The following DGKI variants were observed in gnomAD, a reference collection of about 807,000 sequenced individuals.
The protein encoded by DGKI is DAG kinase iota.
DGKI carries 55 observed loss-of-function variants against 147.5 expected under a neutral mutation model. The observed-to-expected ratio is 0.37, with a 90% CI of 0.30 to 0.47. The LOEUF is 0.47. Among genes scored for constraint, DGKI ranks in the 20% least tolerant of loss-of-function variants. The probability of loss-of-function intolerance (pLI) is 1.00; values close to 1 mark genes in which losing one functional copy is unlikely to be tolerated. For missense variants in DGKI, 1,007 were observed against 1,323.8 expected (o/e 0.76, Z 3.71); for synonymous variants, 469 against 477.1 (o/e 0.98, Z 0.22).
intron 21 of DGKI, among the ~76,000 whole-genome samples, chr7:137,502,131 T>G (rs1197007870): frequency 6.6e-6 from 1 of 152,180 alleles, no homozygotes; most frequent in African/African-American, 2.4e-5. Flanking sequence ...CCTTTGTAAA[T>G]TCCCCAGTCT....
rs1819925359 is a variant in DGKI at position 137,599,842 on chromosome 7, G to C, written c.1231C>G (p.Gln411Glu). The C allele has an allele frequency of 1.2e-6, 2 of 1,613,872 alleles. No homozygotes were observed. The highest frequency in any genetic ancestry group is 1.7e-6 in the Non-Finnish European group (2 of 1,179,804). Residue 411 changes from glutamine (Q) to glutamate (E), a missense_variant, in exon 11 of 33, where the codon CAG (glutamine) becomes GAG (glutamate). Physicochemically the swap from Gln to Glu is conservative, Grantham distance 29. Around this residue, in one of 5 missense-constraint regions of DGKI, gnomAD observed 224 missense variants for 382.7 expected, o/e 0.59. Coordinates refer to ENST00000614521, the MANE Select transcript of DGKI (RefSeq NM_001321708.2). ...ACTTACGCATCTTTTGGCCCTTCCT[G>C]AGAAAGATCAAAGACTTGCCGTGGA... The part of the protein sequence containing the change: ...LNPRQVFDLS[Q>E]EGPKDALELY...
chr7:137,806,728 C>T (rs1045744794), intron 1 of DGKI, among the ~76,000 whole-genome samples: 22 of 152,144 alleles, frequency 1.4e-4, no homozygotes, highest in African/African-American at 4.8e-4. Context: ...CCACCGCACC[C>T]GGCCTGAACC....
intron 26 of DGKI, 124 bp downstream of exon 26, chr7:137,465,784 C>T: frequency 7.6e-7 from 1 of 1,323,354 alleles, no homozygotes; most frequent in Non-Finnish European, 1.0e-6. Flanking sequence ...TCTAAGGAAA[C>T]ACAACAAGAA....
intron 20 of DGKI, among the ~76,000 whole-genome samples, chr7:137,535,081 G>A (rs997612943): frequency 1.3e-5 from 2 of 152,178 alleles, no homozygotes; most frequent in South Asian, 4.1e-4. Context: ...GAACTGTAAC[G>A]AAATAAATTT....
chr7:137,771,748 C>A (rs1451781223), intron 1 of DGKI: 2 of 152,170 alleles, frequency 1.3e-5, no homozygotes, highest in Non-Finnish European at 2.9e-5. Flanking sequence ...CAGATTCATT[C>A]AAATATGTCT....
chr7:137,471,333 G>GC (rs1814877332), intron 23 of DGKI, among the ~76,000 whole-genome samples: 1 of 152,150 alleles, frequency 6.6e-6, no homozygotes, highest in Non-Finnish European at 1.5e-5. Context: ...AGCTGAAGCC[G>GC]CAGGTGTGGA....
chr7:137,583,406 T>C (rs1385272083), intron 14 of DGKI, among the ~76,000 whole-genome samples: 2 of 152,186 alleles, frequency 1.3e-5, no homozygotes, highest in African/African-American at 4.8e-5. Context: ...CACAGACATG[T>C]TCACCTCCTC....
chr7:137,806,082 CCTT>C (rs1261363353), intron 1 of DGKI, among the ~76,000 whole-genome samples: 2 of 152,222 alleles, frequency 1.3e-5, no homozygotes, highest in Non-Finnish European at 2.9e-5. Flanking sequence ...TCTTCAACCT[CCTT>C]TTTCCACTCA....
chr7:137,800,744 A>G (rs1797178599), intron 1 of DGKI, among the ~76,000 whole-genome samples: 1 of 152,216 alleles, frequency 6.6e-6, no homozygotes. Context: ...CAGCTGAGTC[A>G]AATCTTGTTG....
intron 21 of DGKI, among the ~76,000 whole-genome samples, chr7:137,498,761 C>A (rs11977491): frequency 0.085 from 12,897 of 152,162 alleles, 803 homozygotes; most frequent in African/African-American, 0.18. Context: ...ATTTGCAATA[C>A]GAATGAGTGT....
At chr7:137,749,170 T>G (rs780970760) in intron 1 of DGKI, among the ~76,000 whole-genome samples, 1 of 152,196 alleles carries the variant, frequency 6.6e-6, no homozygotes, top group African/African-American at 2.4e-5. Flanking sequence ...AACCAGATTC[T>G]TAAGATAACT....
chr7:137,524,880 T>C (rs542772382), intron 20 of DGKI, among the ~76,000 whole-genome samples: 8 of 152,138 alleles, frequency 5.3e-5, no homozygotes, highest in African/African-American at 7.2e-5. Flanking sequence ...ATTTGGAGAA[T>C]GACTGCTGAC....
chr7:137,828,961 T>C (rs1238561674), intron 1 of DGKI, among the ~76,000 whole-genome samples: 1 of 152,200 alleles, frequency 6.6e-6, no homozygotes, highest in Non-Finnish European at 1.5e-5. Context: ...TAAGTTCATA[T>C]CCTTCATCTT....
intron 1 of DGKI, among the ~76,000 whole-genome samples, chr7:137,769,255 C>A (rs1467865681): frequency 1.3e-5 from 2 of 151,964 alleles, no homozygotes; most frequent in African/African-American, 4.8e-5. Flanking sequence ...CAATGGTGGT[C>A]GAGGGTAAAG....
At chr7:137,658,088 T>C (rs1373197777) in intron 3 of DGKI, among the ~76,000 whole-genome samples, 1 of 152,152 alleles carries the variant, frequency 6.6e-6, no homozygotes, top group Non-Finnish European at 1.5e-5. Context: ...CAATTGCTTT[T>C]GCACATAACA....
At chr7:137,744,412 A>G (rs1328155738) in intron 1 of DGKI, among the ~76,000 whole-genome samples, 1 of 152,146 alleles carries the variant, frequency 6.6e-6, no homozygotes, top group African/African-American at 2.4e-5. Flanking sequence ...ATAGACATAT[A>G]CCATCCAAAA....
chr7:137,650,071 C>T (rs1255255337), intron 5 of DGKI, among the ~76,000 whole-genome samples: 1 of 152,004 alleles, frequency 6.6e-6, no homozygotes, highest in Non-Finnish European at 1.5e-5. Context: ...AAATAAACAT[C>T]TGAATTAGTA....
At chr7:137,592,648 C>G (rs555519018) in intron 12 of DGKI, among the ~76,000 whole-genome samples, 11 of 152,092 alleles carry the variant, frequency 7.2e-5, no homozygotes, top group Non-Finnish European at 1.3e-4. Context: ...GGCCAAAAAG[C>G]GAAGGACACT....
At chr7:137,440,164 G>A (rs917161378) in intron 28 of DGKI, among the ~76,000 whole-genome samples, 1 of 152,162 alleles carries the variant, frequency 6.6e-6, no homozygotes, top group African/African-American at 2.4e-5. Flanking sequence ...TCAATACAGA[G>A]GAAATGCAGA....
Sources: allele counts gnomAD v4.1 joint callset (sites outside exome capture counted in the v4.1 genomes callset), GRCh38; gene constraint gnomAD v4.1.1; regional missense constraint gnomAD v4.1.1; transcripts MANE v1.5; gene names NCBI Gene and HGNC (gene_info 2026-07-23, HGNC 2026-07-21).